CHST8: variants seen among roughly 807,000 people sequenced by gnomAD.
CHST8 encodes the protein GALNAC-4-ST1.
In CHST8, 10 loss-of-function variants were observed where a neutral mutation model predicts 15.0. The ratio of observed to expected loss-of-function variants is 0.67; its 90% CI spans 0.41 to 1.13. The LOEUF (loss-of-function observed/expected upper bound fraction) is 1.13. Among genes scored for constraint, CHST8 ranks in the 50% most tolerant of loss-of-function variants. The pLI, the probability that CHST8 is intolerant of heterozygous loss-of-function variation, is 0.00. For missense variants in CHST8, 634 were observed against 608.2 expected, an observed-to-expected ratio of 1.04 and a Z score of -0.45; for synonymous variants, 259 against 256.6, an observed-to-expected ratio of 1.01 and a Z score of -0.09.
At chr19:33,748,982 C>T (rs555164391) in intron 3 of CHST8, among the ~76,000 whole-genome samples, 6 of 152,258 alleles carry the variant, frequency 3.9e-5, no homozygotes, top group African/African-American at 1.4e-4. Flanking sequence ...AGGCGCACAC[C>T]CCTGAGGGCA....
chr19:33,763,383 A>T (rs1464775291), intron 3 of CHST8, among the ~76,000 whole-genome samples: 2 of 152,266 alleles, frequency 1.3e-5, no homozygotes, highest in East Asian at 3.9e-4. Context: ...GACCAGTCTG[A>T]TGCAGCTCTC....
chr19:33,689,176 A>C lies in CHST8; in HGVS notation c.-86A>C, dbSNP rs1266106373. The C allele has an allele frequency of 9.0e-6, 13 of 1,442,966 alleles. No individual in the cohort carries two copies. The Admixed American group carries it at 2.2e-4, about 25-fold the overall frequency. 89.4% of individuals were successfully genotyped at this position (1,442,966 alleles called of 1,614,324 possible). On this transcript the variant is annotated splice_region_variant and 5_prime_UTR_variant, in exon 3 of 5. Coordinates refer to ENST00000650847, the MANE Select transcript of CHST8 (RefSeq NM_001127895.2). ...TGACTATCCCTCCTCTGCCCCGTAGATCTCGGCCTGATGGACGCCTGGTGT... is the reference window on the plus strand; with the variant it reads ...TGACTATCCCTCCTCTGCCCCGTAGCTCTCGGCCTGATGGACGCCTGGTGT...
intron 2 of CHST8, chr19:33,684,983 G>C (rs1268828725): frequency 2.0e-5 from 3 of 152,266 alleles, no homozygotes; most frequent in African/African-American, 7.2e-5. Flanking sequence ...GTGGTGCAAG[G>C]AGACCCACCG....
At chr19:33,685,815 A>C (rs567177096) in intron 2 of CHST8, among the ~76,000 whole-genome samples, 9 of 152,146 alleles carry the variant, frequency 5.9e-5, no homozygotes, top group Non-Finnish European at 8.8e-5. Context: ...TGCGACTTGG[A>C]AGCCTGGGGT....
intron 2 of CHST8, among the ~76,000 whole-genome samples, chr19:33,677,817 G>A (rs537381547): frequency 1.3e-5 from 2 of 152,340 alleles, no homozygotes; most frequent in East Asian, 1.9e-4. Context: ...TTGGCCTGGG[G>A]GCCATCAAGG....
At chr19:33,695,821 C>CT (rs55695414) in intron 3 of CHST8, among the ~76,000 whole-genome samples, 1,545 of 76,250 alleles carry the variant, frequency 0.02, 24 homozygotes, top group African/African-American at 0.041. Context: ...TTCTTTCTTT[C>CT]TTTTTTTTTT....
chr19:33,636,572 C>A (rs1277463153), intron 1 of CHST8, among the ~76,000 whole-genome samples: 1 of 152,098 alleles, frequency 6.6e-6, no homozygotes, highest in Non-Finnish European at 1.5e-5. Flanking sequence ...AGAAAAAATT[C>A]GGGCAAGTAC....
chr19:33,728,166 A>T (rs530314552), intron 3 of CHST8, among the ~76,000 whole-genome samples: 5 of 152,348 alleles, frequency 3.3e-5, no homozygotes, highest in African/African-American at 1.2e-4. Flanking sequence ...CCCATTTCAG[A>T]CTACTCAGTT....
chr19:33,715,225 G>A (rs557885892), intron 3 of CHST8, among the ~76,000 whole-genome samples: 3 of 152,188 alleles, frequency 2.0e-5, no homozygotes, highest in South Asian at 4.1e-4. Context: ...GGTCATGGAC[G>A]TGTGTGAATG....
chr19:33,765,347 C>T (rs893907001), intron 3 of CHST8, among the ~76,000 whole-genome samples: 3 of 151,940 alleles, frequency 2.0e-5, no homozygotes, highest in African/African-American at 4.8e-5. Context: ...GACATCTAGC[C>T]TTCGGAACTG....
intron 3 of CHST8, among the ~76,000 whole-genome samples, chr19:33,767,070 G>A (rs926342164): frequency 9.9e-5 from 15 of 151,190 alleles, no homozygotes; most frequent in African/African-American, 2.4e-4. Flanking sequence ...TGGGAGTGGC[G>A]GGACACTAGC....
intron 3 of CHST8, among the ~76,000 whole-genome samples, chr19:33,696,588 A>G (rs952234325): frequency 6.6e-6 from 1 of 152,178 alleles, no homozygotes; most frequent in African/African-American, 2.4e-5. Flanking sequence ...ATAGTAATAG[A>G]AATAAAGTGC....
intron 3 of CHST8, among the ~76,000 whole-genome samples, chr19:33,730,222 G>A (rs547557384): frequency 6.6e-6 from 1 of 152,210 alleles, no homozygotes; most frequent in South Asian, 2.1e-4. Flanking sequence ...AATTCCGTGG[G>A]GACAGTTTCA....
At chr19:33,669,396 C>A (rs1230107025) in intron 2 of CHST8, among the ~76,000 whole-genome samples, 4 of 152,196 alleles carry the variant, frequency 2.6e-5, no homozygotes, top group Non-Finnish European at 5.9e-5. Flanking sequence ...GCGACGTGCA[C>A]CTTCCTGGAG....
intron 3 of CHST8, among the ~76,000 whole-genome samples, chr19:33,742,185 T>C (rs1974207062): frequency 6.6e-6 from 1 of 152,212 alleles, no homozygotes; most frequent in Admixed American, 6.5e-5. Flanking sequence ...TTTGCCATGA[T>C]GCCATGGGGT....
chr19:33,753,218 T>G (rs1023968913), intron 3 of CHST8, among the ~76,000 whole-genome samples: 1 of 151,956 alleles, frequency 6.6e-6, no homozygotes, highest in East Asian at 1.9e-4. Context: ...AGCCTGCCTA[T>G]GTAGCCTGCA....
intron 1 of CHST8, among the ~76,000 whole-genome samples, chr19:33,664,354 A>G (rs1972625732): frequency 6.6e-6 from 1 of 151,572 alleles, no homozygotes; most frequent in African/African-American, 2.4e-5. Context: ...TTACATATGT[A>G]TACACGTGCC....
At chr19:33,725,166 C>T (rs894381757) in intron 3 of CHST8, among the ~76,000 whole-genome samples, 5 of 152,026 alleles carry the variant, frequency 3.3e-5, no homozygotes, top group African/African-American at 7.2e-5. Flanking sequence ...GGGACACAAC[C>T]GAGTCTCTAC....
chr19:33,724,538 G>A (rs1973858326), intron 3 of CHST8, among the ~76,000 whole-genome samples: 1 of 152,220 alleles, frequency 6.6e-6, no homozygotes, highest in Admixed American at 6.5e-5. Flanking sequence ...ATTAAAATGT[G>A]CGTCTGCAGC....
Sources: allele counts gnomAD v4.1 joint callset (sites outside exome capture counted in the v4.1 genomes callset), GRCh38; gene constraint gnomAD v4.1.1; transcripts MANE v1.5; gene names NCBI Gene and HGNC (gene_info 2026-07-23, HGNC 2026-07-21).